The following IL15 variants were observed in gnomAD, a reference collection of about 807,000 sequenced individuals.
IL15 encodes the protein interleukin 15.
In IL15, 11 loss-of-function variants were observed where a neutral mutation model predicts 19.6. That is an observed-to-expected ratio of 0.56 (90% CI 0.35 to 0.93). The LOEUF (loss-of-function observed/expected upper bound fraction) is 0.93. Ranked by LOEUF, IL15 falls within the 40% of genes least tolerant of loss-of-function variation. The probability of loss-of-function intolerance (pLI) is 0.01; values close to 1 mark genes in which losing one functional copy is unlikely to be tolerated. For missense variants in IL15, 197 were observed against 186.5 expected (o/e 1.06, Z -0.33); for synonymous variants, 58 against 59.6 (o/e 0.97, Z 0.12).
At chr4:141,647,855 C>T (rs894498947) in intron 1 of IL15, among the ~76,000 whole-genome samples, 1 of 152,034 alleles carries the variant, frequency 6.6e-6, no homozygotes, top group Non-Finnish European at 1.5e-5. Context: ...AGATACTTCT[C>T]TCATAGTATC....
intron 2 of IL15, among the ~76,000 whole-genome samples, chr4:141,677,122 G>T (rs188299796): frequency 1.8e-4 from 27 of 152,288 alleles, no homozygotes; most frequent in African/African-American, 6.5e-4. Flanking sequence ...AAGCAAAAGA[G>T]TCAGAAGTTA....
rs546758544 is a variant in IL15, at chr4:141,659,051, C to T, written c.-100+2744C>T. The stretch of plus-strand genomic sequence containing the variant: ...ATTTTTTTTGTATTTTTAGTAGAGA[C>T]GGGGTTTCACCATGGTCTCGATCTC... On this transcript the variant is annotated intron_variant, in intron 2 of 7. Coordinates refer to ENST00000320650, the MANE Select transcript of IL15 (RefSeq NM_000585.5). 1.9e-4 allele frequency among the ~76,000 whole-genome samples: 29 copies of T among 151,806 alleles called. No individual in the cohort carries two copies. The East Asian group carries it at 3.1e-3, about 16-fold the overall frequency.
At chr4:141,698,695 T>A (rs1233255794) in intron 2 of IL15, among the ~76,000 whole-genome samples, 2 of 152,180 alleles carry the variant, frequency 1.3e-5, no homozygotes, top group Non-Finnish European at 2.9e-5. Flanking sequence ...TCTTGTTTCA[T>A]TTCTAATTGA....
chr4:141,702,134 T>C (rs1012606459), intron 2 of IL15, among the ~76,000 whole-genome samples: 1 of 152,160 alleles, frequency 6.6e-6, no homozygotes, highest in Non-Finnish European at 1.5e-5. Flanking sequence ...GTGCTGACTT[T>C]CTCTATTGTG....
rs182100460 is a variant in IL15, at chr4:141,636,865, T to C, written c.-222+117T>C. ...TCCCAGCTCCAGCGTTACCCTCCGG[T>C]CTATCCTACTGGCCGAGCTGCCCCG... On this transcript the variant is annotated intron_variant, in intron 1 of 7. Transcript: ENST00000320650. The C allele has an allele frequency of 1.1e-3, 165 of 152,494 alleles. 2 individuals carry two copies. Among genetic ancestry groups the C allele is most frequent in the African/African-American group, 3.9e-3 (161 of 41,572 alleles). The allele number at this position is 152,494 out of a possible 1,614,324, so 9.4% of individuals were successfully genotyped here.
chr4:141,640,743 G>A (rs988776335), intron 1 of IL15, among the ~76,000 whole-genome samples: 1 of 152,180 alleles, frequency 6.6e-6, no homozygotes, highest in African/African-American at 2.4e-5. Context: ...AGGGGCAGAA[G>A]ACTCTATGTA....
intron 5 of IL15, among the ~76,000 whole-genome samples, chr4:141,722,426 TG>T (rs1484438862): frequency 6.6e-6 from 1 of 152,114 alleles, no homozygotes; most frequent in Admixed American, 6.6e-5. Context: ...CCAGCTTCAG[TG>T]GAAGTCTCGA....
chr4:141,721,314 C>T, intron 4 of IL15: 1 of 638,688 alleles, frequency 1.6e-6, no homozygotes, highest in South Asian at 1.8e-5. Flanking sequence ...TGTATTTTGT[C>T]TGGATATTAA....
intron 3 of IL15, 92 bp from the exon 4 acceptor site, chr4:141,720,377 A>G (rs1055942885): frequency 2.4e-5 from 16 of 672,174 alleles, no homozygotes; most frequent in Non-Finnish European, 3.5e-5. Flanking sequence ...ACAAACTTAC[A>G]TCTTTAGACC....
At chr4:141,729,056 G>A (rs1053815510) in intron 6 of IL15, among the ~76,000 whole-genome samples, 1 of 152,040 alleles carries the variant, frequency 6.6e-6, no homozygotes, top group Admixed American at 6.6e-5. Flanking sequence ...TGCTGATATG[G>A]TGACAGTATT....
At chr4:141,683,246 C>G (rs576882074) in intron 2 of IL15, among the ~76,000 whole-genome samples, 1 of 140,998 alleles carries the variant, frequency 7.1e-6, no homozygotes, top group East Asian at 2.1e-4. Context: ...TCCAGCCTGG[C>G]GACAGAGCGA....
At chr4:141,727,343 T>C (rs916360477) in intron 5 of IL15, among the ~76,000 whole-genome samples, 5 of 151,524 alleles carry the variant, frequency 3.3e-5, no homozygotes, top group African/African-American at 9.8e-5. Flanking sequence ...AAATGGCTCA[T>C]AAAAATGTCT....
intron 2 of IL15, among the ~76,000 whole-genome samples, chr4:141,676,852 C>T (rs1214088614): frequency 6.6e-6 from 1 of 151,466 alleles, no homozygotes; most frequent in African/African-American, 2.4e-5. Flanking sequence ...GAAACCACAC[C>T]AGAGGAATTA....
In IL15 at chr4:141,729,885, G is replaced by C. The variant is rs1342067896; in HGVS notation, c.279G>C (p.Leu93Phe). Residue 93 changes from leucine to phenylalanine, a missense_variant, in exon 7 of 8, where the codon TTG (leucine) becomes TTC (phenylalanine). Transcript: ENST00000320650. The part of the protein sequence containing the change: ...CKVTAMKCFL[L>F]ELQVISLESG... ...TAACAGCAATGAAGTGCTTTCTCTT[G>C]GAGTTACAAGTTATTTCACTTGAGT... The C allele has an allele frequency of 6.3e-7, 1 of 1,582,664 alleles. No homozygotes were observed. The highest frequency in any genetic ancestry group is 2.2e-5 in the East Asian group (1 of 44,704).
At chr4:141,693,016 C>CCAAAAAAAAAAAAAAAAAAAAAAA (rs1728968337) in intron 2 of IL15, among the ~76,000 whole-genome samples, 1 of 23,232 alleles carries the variant, frequency 4.3e-5, no homozygotes, top group Admixed American at 6.8e-4. Flanking sequence ...GACTCCGTCT[C>CCAAAAAAAAAAAAAAAAAAAAAAA]AAAAAAAAAA....
Position 141,722,026 on chromosome 4 carries a change from C to A in IL15, c.195+18C>A. 1.3e-6 allele frequency: 2 copies of A among 1,557,974 alleles called. No individual in the cohort carries two copies. The highest frequency in any genetic ancestry group is 1.2e-5 in the South Asian group (1 of 83,512). ...TTATTCAAGTGAGTACTCATTTTTC[C>A]ATAAAATGCCTGGTATAACTGCTAT... is the stretch of plus-strand genomic sequence containing the variant. On this transcript the variant is annotated intron_variant, in intron 5 of 7. Coordinates refer to ENST00000320650, the MANE Select transcript of IL15 (RefSeq NM_000585.5).
At chr4:141,664,762 A>C (rs1362504679) in intron 2 of IL15, among the ~76,000 whole-genome samples, 1 of 152,220 alleles carries the variant, frequency 6.6e-6, no homozygotes, top group African/African-American at 2.4e-5. Context: ...TACAGAGACC[A>C]GAGTGGAGGG....
At chr4:141,732,017 A>G (rs1266067448) in intron 7 of IL15, among the ~76,000 whole-genome samples, 2 of 152,160 alleles carry the variant, frequency 1.3e-5, no homozygotes, top group African/African-American at 2.4e-5. Context: ...AGGGAAACAA[A>G]CATACTGGCT....
At chr4:141,661,722 C>A (rs932776403) in intron 2 of IL15, among the ~76,000 whole-genome samples, 14 of 152,074 alleles carry the variant, frequency 9.2e-5, no homozygotes, top group Non-Finnish European at 2.9e-5. Flanking sequence ...GTTTGTGTAC[C>A]GCTGTGCACT....
Sources: gnomAD v4.1 joint callset for allele counts (sites outside exome capture counted in the v4.1 genomes callset) on GRCh38, gnomAD v4.1.1 for gene constraint, MANE v1.5 for transcripts, NCBI Gene and HGNC (gene_info 2026-07-23, HGNC 2026-07-21) for gene names.